Variants in CAMKMT observed in about 807,000 individuals in gnomAD.
CAMKMT encodes the protein calmodulin-lysine N-methyltransferase.
A neutral mutation model predicts 48.0 loss-of-function variants in CAMKMT; 53 were observed. That is an observed-to-expected ratio of 1.10 (90% CI 0.89 to 1.39). The LOEUF is 1.39. Among genes scored for constraint, CAMKMT ranks in the 40% most tolerant of loss-of-function variants. The pLI, the probability that CAMKMT is intolerant of heterozygous loss-of-function variation, is 0.00. For synonymous variants in CAMKMT, 165 were observed against 152.3 expected (o/e 1.08, Z -0.61); for missense variants, 428 against 402.7 (o/e 1.06, Z -0.54).
At chr2:44,538,676 A>T (rs1666917145) in intron 3 of CAMKMT, among the ~76,000 whole-genome samples, 2 of 152,102 alleles carry the variant, frequency 1.3e-5, no homozygotes, top group African/African-American at 4.8e-5. Context: ...CACAATATAT[A>T]CTGCTAGGGT....
At chr2:44,480,799 T>C (rs962513944) in intron 3 of CAMKMT, among the ~76,000 whole-genome samples, 4 of 152,132 alleles carry the variant, frequency 2.6e-5, no homozygotes, top group African/African-American at 9.6e-5. Flanking sequence ...TTTTGAACCA[T>C]ATTTTTGGAA....
At chr2:44,384,789 G>A (rs1191046926) in intron 2 of CAMKMT, among the ~76,000 whole-genome samples, 1 of 152,062 alleles carries the variant, frequency 6.6e-6, no homozygotes, top group East Asian at 1.9e-4. Flanking sequence ...TCAGTTGGCT[G>A]TAAGTATTTG....
At chr2:44,681,047 A>G (rs151225374) in intron 3 of CAMKMT, among the ~76,000 whole-genome samples, 486 of 152,214 alleles carry the variant, frequency 3.2e-3, no homozygotes, top group Non-Finnish European at 4.4e-3. Context: ...TTTATTTCCA[A>G]TTTAATTTTT....
chr2:44,648,390 C>A (rs1673870521), intron 3 of CAMKMT, among the ~76,000 whole-genome samples: 1 of 151,548 alleles, frequency 6.6e-6, no homozygotes, highest in Non-Finnish European at 1.5e-5. Flanking sequence ...ATTAAATTTT[C>A]AAAAAAAGTA....
At chr2:44,649,751 C>T (rs1292458450) in intron 3 of CAMKMT, among the ~76,000 whole-genome samples, 6 of 152,174 alleles carry the variant, frequency 3.9e-5, no homozygotes, top group Non-Finnish European at 8.8e-5. Context: ...AACAAACTCA[C>T]CCATTCCTGC....
intron 3 of CAMKMT, among the ~76,000 whole-genome samples, chr2:44,602,724 T>TAAACTATCAGATCTCA (rs1348366763): frequency 6.6e-6 from 1 of 151,986 alleles, no homozygotes; most frequent in African/African-American, 2.4e-5. Flanking sequence ...TGCCACACTT[T>TAAACTATCAGATCTCA]AAACTATCAG....
intron 8 of CAMKMT, among the ~76,000 whole-genome samples, chr2:44,751,012 C>CAA (rs111264651): frequency 1.1e-4 from 16 of 147,476 alleles, no homozygotes; most frequent in African/African-American, 2.7e-4. Flanking sequence ...GACTCGGTCT[C>CAA]AAAAAAAAAA....
At chr2:44,666,159 A>G (rs533653072) in intron 3 of CAMKMT, among the ~76,000 whole-genome samples, 1 of 152,340 alleles carries the variant, frequency 6.6e-6, no homozygotes, top group South Asian at 2.1e-4. Flanking sequence ...TACATTTATA[A>G]CTTAAGCATA....
chr2:44,710,067 A>C (rs1677795919), intron 6 of CAMKMT, among the ~76,000 whole-genome samples: 1 of 151,820 alleles, frequency 6.6e-6, no homozygotes, highest in Admixed American at 6.6e-5. Context: ...GAATCTTCTT[A>C]GTCTCTTAAG....
chr2:44,431,142 A>G (rs1489226395), intron 3 of CAMKMT, among the ~76,000 whole-genome samples: 1 of 152,178 alleles, frequency 6.6e-6, no homozygotes, highest in East Asian at 1.9e-4. Context: ...TTTTAATGAG[A>G]GATATTTTCC....
chr2:44,681,934 G>A (rs1396399707), intron 3 of CAMKMT, among the ~76,000 whole-genome samples: 1 of 152,146 alleles, frequency 6.6e-6, no homozygotes, highest in African/African-American at 2.4e-5. Flanking sequence ...AATCGTTACT[G>A]CTAATTAAAG....
At chr2:44,371,278 G>C (rs1283865154) in intron 1 of CAMKMT, among the ~76,000 whole-genome samples, 1 of 152,034 alleles carries the variant, frequency 6.6e-6, no homozygotes, top group East Asian at 1.9e-4. Context: ...GAGCCACTGT[G>C]CCCAGCCTAT....
chr2:44,581,754 A>G (rs1224490798), intron 3 of CAMKMT, among the ~76,000 whole-genome samples: 2 of 152,242 alleles, frequency 1.3e-5, no homozygotes, highest in African/African-American at 4.8e-5. Context: ...TAATCCCAGC[A>G]CTTTGGGAGG....
intron 3 of CAMKMT, among the ~76,000 whole-genome samples, chr2:44,681,990 C>T (rs115899498): frequency 0.011 from 1,659 of 152,316 alleles, 31 homozygotes; most frequent in African/African-American, 0.038. Flanking sequence ...AGCTAATCCT[C>T]GGTCTCGATA....
chr2:44,463,593 T>G (rs1667957221), intron 3 of CAMKMT, among the ~76,000 whole-genome samples: 1 of 152,028 alleles, frequency 6.6e-6, no homozygotes, highest in African/African-American at 2.4e-5. Flanking sequence ...TGACTCAGAG[T>G]GCTAGCTGAA....
Position 44,766,579 on chromosome 2 carries a change from G to A in CAMKMT, c.894+18G>A. ...ACTCCAAGGTTAGTTTTCTGCTTGT[G>A]TTAGATAACACTTTAATCCGCATTG... On this transcript the variant is annotated intron_variant, in intron 10 of 10. Coordinates refer to ENST00000378494, the MANE Select transcript of CAMKMT (RefSeq NM_024766.5). 1 of 1,612,800 alleles carries A rather than the reference G, an allele frequency of 6.2e-7. No individual in the cohort carries two copies. The highest frequency in any genetic ancestry group is 8.5e-7 in the Non-Finnish European group (1 of 1,179,752).
chr2:44,629,433 C>CTT (rs897761983), intron 3 of CAMKMT, among the ~76,000 whole-genome samples: 58 of 125,320 alleles, frequency 4.6e-4, no homozygotes, highest in African/African-American at 6.3e-4. Context: ...TTCTTTCTTT[C>CTT]TTTTTTTTTT....
At chr2:44,435,534 T>A (rs1666185301) in intron 3 of CAMKMT, among the ~76,000 whole-genome samples, 1 of 152,202 alleles carries the variant, frequency 6.6e-6, no homozygotes, top group South Asian at 2.1e-4. Flanking sequence ...AATTATGCCA[T>A]GTTTTGCTTT....
At chr2:44,723,635 A>C (rs1395783784) in intron 7 of CAMKMT, 2 of 150,242 alleles carry the variant, frequency 1.3e-5, no homozygotes, top group Non-Finnish European at 3.0e-5. Context: ...TAAATAAATA[A>C]ATAAATAAAT....
Sources: gnomAD v4.1 joint callset for allele counts (sites outside exome capture counted in the v4.1 genomes callset) on GRCh38, gnomAD v4.1.1 for gene constraint, MANE v1.5 for transcripts, NCBI Gene and HGNC (gene_info 2026-07-23, HGNC 2026-07-21) for gene names.